Variants in KCNJ15 observed in about 807,000 individuals in gnomAD.
The protein encoded by KCNJ15 is potassium inwardly rectifying channel subfamily J member 15.
KCNJ15 carries 14 observed loss-of-function variants against 23.0 expected under a neutral mutation model. That is an observed-to-expected ratio of 0.61 (90% CI 0.40 to 0.95). KCNJ15 has a LOEUF of 0.95. Ranked by LOEUF, KCNJ15 falls within the 40% of genes least tolerant of loss-of-function variation. The pLI, the probability that KCNJ15 is intolerant of heterozygous loss-of-function variation, is 0.00. For missense variants in KCNJ15, 388 were observed against 461.8 expected (o/e 0.84, Z 1.46); for synonymous variants, 185 against 183.2 (o/e 1.01, Z -0.08).
Position 38,303,041 on chromosome 21 carries a change from G to A in KCNJ15, c.*2652G>A, listed in dbSNP as rs866810399. On this transcript the variant is annotated 3_prime_UTR_variant, in exon 3 of 3. Transcript: ENST00000398938. The stretch of plus-strand genomic sequence containing the variant: ...CTTAAGAGTGCCTTAAGAGTGTCTC[G>A]TTTTTAAGAGTGTCTTAAAAACCAA... 3 of 151,906 alleles carry A rather than the reference G, an allele frequency of 2.0e-5. No individual in the cohort carries two copies. Among genetic ancestry groups the A allele is most frequent in the African/African-American group, 7.3e-5 (3 of 41,360 alleles). 9.4% of individuals were successfully genotyped at this position (151,906 alleles called of 1,614,324 possible).
At chr21:38,253,614 A>G (rs1410567915), upstream of KCNJ15, among the ~76,000 whole-genome samples, 3 of 152,136 alleles carry the variant, frequency 2.0e-5, no homozygotes, top group Non-Finnish European at 4.4e-5. Flanking sequence ...AGGTAAAAAT[A>G]TTTTTTCCCT....
At chr21:38,260,979 A>C (rs1980825991) in intron 1 of KCNJ15, among the ~76,000 whole-genome samples, 2 of 152,140 alleles carry the variant, frequency 1.3e-5, no homozygotes, top group Non-Finnish European at 1.5e-5. Flanking sequence ...GAGTTCAGAC[A>C]TCCTGAGCCT....
At chr21:38,248,871 C>T (rs1316697114) in intron 1 of KCNJ15, among the ~76,000 whole-genome samples, 1 of 152,090 alleles carries the variant, frequency 6.6e-6, no homozygotes, top group Non-Finnish European at 1.5e-5. Flanking sequence ...ACAGAACACA[C>T]GTGGTGCAGG....
chr21:38,266,212 C>T (rs887823908), intron 1 of KCNJ15, among the ~76,000 whole-genome samples: 9 of 152,070 alleles, frequency 5.9e-5, no homozygotes, highest in African/African-American at 1.4e-4. Context: ...TAGGTATACA[C>T]GCGCCATGGT....
Position 38,288,026 on chromosome 21 carries a change from CTTTGT to C in KCNJ15, c.-116-8896_-116-8892del, listed in dbSNP as rs1275511189. 4.1e-4 allele frequency among the ~76,000 whole-genome samples: 32 copies of C among 78,194 alleles called. 7 individuals are homozygous for C. The highest frequency in any genetic ancestry group is 1.0e-3 in the South Asian group (2 of 1,984). The allele number at this position is 78,194 out of a possible 152,430, so 51.3% of individuals were successfully genotyped here. ...CCATTGTTAAATAACTTGTTTTTTT[CTTTGT>C]TTTTTTTTTTTTTTTTTTTTTTTTT... is the stretch of plus-strand genomic sequence containing the variant. On this transcript the variant is annotated intron_variant, in intron 1 of 2. Transcript: ENST00000398938.
chr21:38,299,941 G>T lies in KCNJ15; in HGVS notation c.680G>T (p.Arg227Leu). The T allele has an allele frequency of 6.2e-7, 1 of 1,613,936 alleles. No homozygotes were observed. Among genetic ancestry groups the T allele is most frequent in the Non-Finnish European group, 8.5e-7 (1 of 1,179,978 alleles). Residue 227 changes from arginine (R) to leucine (L), a missense_variant, in exon 3 of 3, where the codon CGG (arginine) becomes CTG (leucine). By Grantham distance (102) the Arg-to-Leu change is moderately radical. Coordinates refer to ENST00000398938, the MANE Select transcript of KCNJ15 (RefSeq NM_170736.3). This position sits in a 1 kb window ranked among gnomAD's most constrained non-coding sequence, Gnocchi z 4.5. ...ACCCACGTCACCAAGGAGGGGGAGC[G>T]GATTCTCCTCAACCAAGCCACTGTC... ...LQTHVTKEGE[R>L]ILLNQATVKF...
At position 38,299,534 on chromosome 21, in the gene KCNJ15, T is replaced by A. The variant is rs1985533493; in HGVS notation, c.273T>A (p.Ile91=). 6.2e-7 allele frequency: 1 copy of A among 1,614,200 alleles called. No individual in the cohort carries two copies. ...FGVIYYAIAF[I]HGDLEPGEPI... ...TCATCTACTATGCCATCGCGTTTAT[T>A]CATGGGGACTTAGAACCCGGTGAGC... Residue 91 remains isoleucine (I), a synonymous_variant, in exon 3 of 3, where the codon ATT becomes ATA. Transcript: ENST00000398938. This position sits in a 1 kb window ranked among gnomAD's most constrained non-coding sequence, Gnocchi z 4.5.
upstream of KCNJ15, among the ~76,000 whole-genome samples, chr21:38,255,956 G>T (rs553047594): frequency 6.6e-6 from 1 of 152,232 alleles, no homozygotes; most frequent in African/African-American, 2.4e-5. Flanking sequence ...GAAACAGACC[G>T]TTTGCGTCTC....
chr21:38,287,755 CA>C (rs766883960), intron 1 of KCNJ15, among the ~76,000 whole-genome samples: 1 of 152,048 alleles, frequency 6.6e-6, no homozygotes, highest in African/African-American at 2.4e-5. Context: ...AGTTAACTGC[CA>C]AATGTCTTAA....
intron 1 of KCNJ15, among the ~76,000 whole-genome samples, chr21:38,263,820 C>T (rs934335368): frequency 1.3e-5 from 2 of 151,990 alleles, no homozygotes; most frequent in Admixed American, 6.6e-5. Flanking sequence ...ACAGTCAGCC[C>T]CAAAGAATTT....
At chr21:38,260,044 G>A (rs148983316) in intron 1 of KCNJ15, among the ~76,000 whole-genome samples, 1 of 152,150 alleles carries the variant, frequency 6.6e-6, no homozygotes, top group African/African-American at 2.4e-5. Flanking sequence ...TATAAATAAA[G>A]GTTTATAAAC....
At chr21:38,282,501 C>T (rs945952924) in intron 1 of KCNJ15, among the ~76,000 whole-genome samples, 22 of 152,214 alleles carry the variant, frequency 1.4e-4, no homozygotes, top group Middle Eastern at 3.4e-3. Flanking sequence ...CTTTGTGCTA[C>T]GAATCAGAAT....
At chr21:38,296,671 A>G (rs943272014) in intron 1 of KCNJ15, 1 of 152,340 alleles carries the variant, frequency 6.6e-6, no homozygotes, top group Non-Finnish European at 1.5e-5. Flanking sequence ...GGGTGGGTTA[A>G]CCCTCTCTTT....
intron 1 of KCNJ15, among the ~76,000 whole-genome samples, chr21:38,294,446 G>T (rs6517460): frequency 6.6e-6 from 1 of 152,020 alleles, no homozygotes; most frequent in Non-Finnish European, 1.5e-5. Context: ...GAGGAACCCC[G>T]GTTCTGGGGA....
At chr21:38,242,451 T>C (rs975673851) in intron 1 of KCNJ15, among the ~76,000 whole-genome samples, 1 of 152,128 alleles carries the variant, frequency 6.6e-6, no homozygotes, top group Non-Finnish European at 1.5e-5. Context: ...ACACATACTC[T>C]TTGAGACCCA....
At chr21:38,275,769 A>G (rs1601198421) in intron 1 of KCNJ15, among the ~76,000 whole-genome samples, 1 of 152,296 alleles carries the variant, frequency 6.6e-6, no homozygotes, top group African/African-American at 2.4e-5. Context: ...GGCCCAATCA[A>G]TTGGGAGTAC....
chr21:38,266,836 A>G (rs529699105), intron 1 of KCNJ15, among the ~76,000 whole-genome samples: 33 of 152,326 alleles, frequency 2.2e-4, no homozygotes, highest in South Asian at 4.1e-4. Flanking sequence ...CAGGCTTCAG[A>G]GAGGGGTGAA....
intron 1 of KCNJ15, among the ~76,000 whole-genome samples, chr21:38,233,128 C>T (rs1038290165): frequency 1.3e-5 from 2 of 151,906 alleles, no homozygotes; most frequent in Admixed American, 6.6e-5. Context: ...TTTTGGGACA[C>T]TGTTGTTAGG....
chr21:38,278,148 G>T (rs1193356213), intron 1 of KCNJ15, among the ~76,000 whole-genome samples: 1 of 80,718 alleles, frequency 1.2e-5, no homozygotes, highest in East Asian at 3.3e-4. Flanking sequence ...AGACCCAGCG[G>T]TGCTTTCTAT....
Sources: gnomAD v4.1 joint callset for allele counts (sites outside exome capture counted in the v4.1 genomes callset) on GRCh38, gnomAD v4.1.1 for gene constraint, Gnocchi (gnomAD v3.1) non-coding constraint, MANE v1.5 for transcripts, NCBI Gene and HGNC (gene_info 2026-07-23, HGNC 2026-07-21) for gene names.